Variants in SUMF1 observed in about 807,000 individuals in gnomAD.
The protein encoded by SUMF1 is sulfatase modifying factor 1.
SUMF1 carries 48 observed loss-of-function variants against 47.6 expected under a neutral mutation model. That is an observed-to-expected ratio of 1.01 (90% CI 0.80 to 1.28). The LOEUF is 1.28. Ranked by LOEUF, SUMF1 falls within the 50% of genes most tolerant of loss-of-function variation. The pLI is 0.00. For missense variants in SUMF1, 571 were observed against 485.4 expected (o/e 1.18, Z -1.66); for synonymous variants, 230 against 192.1 (o/e 1.20, Z -1.63).
chr3:4,392,027 C>T (rs182437607), intron 7 of SUMF1, among the ~76,000 whole-genome samples: 1 of 152,032 alleles, frequency 6.6e-6, no homozygotes, highest in African/African-American at 2.4e-5. Context: ...ATGGTTTCTC[C>T]ATGTTACCAG....
At chr3:4,080,499 A>C (rs1024536607) in intron 8 of SUMF1, among the ~76,000 whole-genome samples, 1 of 152,068 alleles carries the variant, frequency 6.6e-6, no homozygotes, top group African/African-American at 2.4e-5. Flanking sequence ...GTACCTGGGA[A>C]CCCTGCTTCA....
At chr3:4,303,912 C>G in intron 8 of SUMF1, 1 of 1,217,214 alleles carries the variant, frequency 8.2e-7, no homozygotes, top group Non-Finnish European at 1.1e-6. Flanking sequence ...CAGCCGGTGT[C>G]GTGCATAAAA....
At chr3:4,279,289 C>T (rs1697482490) in intron 8 of SUMF1, among the ~76,000 whole-genome samples, 2 of 152,050 alleles carry the variant, frequency 1.3e-5, no homozygotes, top group African/African-American at 4.8e-5. Context: ...TACCTTTAAC[C>T]TTTTATTGTC....
intron 8 of SUMF1, among the ~76,000 whole-genome samples, chr3:4,325,893 C>T (rs1218059422): frequency 1.3e-5 from 2 of 152,182 alleles, no homozygotes; most frequent in East Asian, 3.8e-4. Context: ...GTGAACTCAG[C>T]TCACTACAAC....
chr3:4,228,116 G>A (rs766264057), intron 8 of SUMF1, among the ~76,000 whole-genome samples: 1 of 152,080 alleles, frequency 6.6e-6, no homozygotes, highest in African/African-American at 2.4e-5. Flanking sequence ...AGGGGAGAGA[G>A]GTAGTTGGGG....
chr3:4,271,350 C>A (rs1348077837), intron 8 of SUMF1, among the ~76,000 whole-genome samples: 1 of 152,072 alleles, frequency 6.6e-6, no homozygotes, highest in Admixed American at 6.6e-5. Context: ...ATATTTTTAC[C>A]TACCAAATAA....
chr3:4,037,543 T>C (rs897649351), intron 9 of SUMF1, among the ~76,000 whole-genome samples: 2 of 152,236 alleles, frequency 1.3e-5, no homozygotes, highest in Non-Finnish European at 2.9e-5. Context: ...TTTTCATCTG[T>C]CAACTCCTGT....
At chr3:4,194,023 G>C (rs1166514961) in intron 8 of SUMF1, among the ~76,000 whole-genome samples, 2 of 152,190 alleles carry the variant, frequency 1.3e-5, no homozygotes, top group East Asian at 3.9e-4. Flanking sequence ...TTTTAATGCA[G>C]TCCAGATATG....
At chr3:4,207,042 A>G (rs1695668834) in intron 8 of SUMF1, among the ~76,000 whole-genome samples, 1 of 152,042 alleles carries the variant, frequency 6.6e-6, no homozygotes, top group Non-Finnish European at 1.5e-5. Context: ...AATGTTTTAT[A>G]GTTTTTATTA....
chr3:4,390,589 A>G (rs547382165), intron 7 of SUMF1, among the ~76,000 whole-genome samples: 1 of 152,162 alleles, frequency 6.6e-6, no homozygotes, highest in African/African-American at 2.4e-5. Context: ...ATGCAGCAAA[A>G]AGGAAATAAA....
chr3:4,256,594 T>G (rs1696959023), intron 8 of SUMF1, among the ~76,000 whole-genome samples: 1 of 149,018 alleles, frequency 6.7e-6, no homozygotes, highest in Non-Finnish European at 1.5e-5. Flanking sequence ...AATAGACCAA[T>G]AACAGGAGCT....
chr3:4,191,513 T>C (rs995122487), intron 8 of SUMF1, among the ~76,000 whole-genome samples: 3 of 152,120 alleles, frequency 2.0e-5, no homozygotes, highest in Admixed American at 2.0e-4. Flanking sequence ...AGTGACATAA[T>C]CTGTTTTATA....
In SUMF1 at chr3:4,123,425, C is replaced by G. The variant is rs571889926; in HGVS notation, c.1015-54680G>C. On this transcript the variant is annotated intron_variant and NMD_transcript_variant, in intron 8 of 12. Transcript: ENST00000448413. Reference sequence around the variant, plus strand: ...TGAGAGGGAGTGTCTAGATGGCATCCACATGTTTGTTTAGTTTGGTTTTGC... The same window carrying G: ...TGAGAGGGAGTGTCTAGATGGCATCGACATGTTTGTTTAGTTTGGTTTTGC... Among the ~76,000 whole-genome samples the G allele has an allele frequency of 9.2e-5, 14 of 152,198 alleles. No individual in the cohort carries two copies. The South Asian group carries it at 2.9e-3, about 32-fold the overall frequency.
At chr3:4,169,130 G>C (rs1694775458) in intron 8 of SUMF1, among the ~76,000 whole-genome samples, 1 of 152,136 alleles carries the variant, frequency 6.6e-6, no homozygotes, top group Non-Finnish European at 1.5e-5. Flanking sequence ...ATATTGCATT[G>C]TATAACAGAT....
chr3:4,173,198 T>C (rs1024993135), intron 8 of SUMF1, among the ~76,000 whole-genome samples: 5 of 152,208 alleles, frequency 3.3e-5, no homozygotes, highest in Non-Finnish European at 7.3e-5. Context: ...CTCTCTTCTG[T>C]TCCATTGCTC....
chr3:4,175,619 G>A (rs181164026), intron 8 of SUMF1, among the ~76,000 whole-genome samples: 3 of 152,148 alleles, frequency 2.0e-5, no homozygotes, highest in African/African-American at 7.2e-5. Context: ...TCTAAAAATC[G>A]AGCAGTTTTC....
chr3:4,325,300 C>A (rs1485666409), intron 8 of SUMF1, among the ~76,000 whole-genome samples: 1 of 151,714 alleles, frequency 6.6e-6, no homozygotes, highest in African/African-American at 2.4e-5. Flanking sequence ...GGCTAGTATC[C>A]ACATGGCTAG....
intron 8 of SUMF1, among the ~76,000 whole-genome samples, chr3:4,275,560 T>C (rs539377848): frequency 6.6e-6 from 1 of 152,248 alleles, no homozygotes; most frequent in Non-Finnish European, 1.5e-5. Flanking sequence ...ACAAGACACA[T>C]GTCACTCCTA....
At chr3:4,400,437 T>C (rs180676962) in intron 7 of SUMF1, among the ~76,000 whole-genome samples, 3 of 152,368 alleles carry the variant, frequency 2.0e-5, no homozygotes, top group African/African-American at 7.2e-5. Flanking sequence ...TCAAATTCTC[T>C]GGAGGCAAGG....
Sources: gnomAD v4.1 joint callset for allele counts (sites outside exome capture counted in the v4.1 genomes callset) on GRCh38, gnomAD v4.1.1 for gene constraint, MANE v1.5 for transcripts, NCBI Gene and HGNC (gene_info 2026-07-23, HGNC 2026-07-21) for gene names.